The following C11orf71 variants were observed in gnomAD, a reference collection of about 807,000 sequenced individuals.
The protein encoded by C11orf71 is uncharacterized protein C11orf71.
For synonymous variants in C11orf71, 72 were observed against 73.4 expected, an observed-to-expected ratio of 0.98 and a Z score of 0.09; for missense variants, 179 against 167.6, an observed-to-expected ratio of 1.07 and a Z score of -0.38.
At chr11:114,396,000 G>A (rs1946128602), downstream of C11orf71, among the ~76,000 whole-genome samples, 2 of 152,216 alleles carry the variant, frequency 1.3e-5, no homozygotes, top group Middle Eastern at 3.4e-3. Context: ...TGGGCTCAAG[G>A]GATTCTCCCA....
In C11orf71 at chr11:114,399,794, AACTGTTAC is replaced by A. The variant is rs911250191; in HGVS notation, c.*158_*165del. The A allele has an allele frequency of 1.9e-6, 2 of 1,031,302 alleles. No homozygotes were observed. The highest frequency in any genetic ancestry group is 3.2e-5 in the African/African-American group (2 of 61,872). The allele number at this position is 1,031,302 out of a possible 1,614,324, so 63.9% of individuals were successfully genotyped here. A position where few individuals can be genotyped will look rare whatever the true frequency, so the allele number is the denominator to read the frequency against. ...CTGCATAAAACCACCTAAATCAATCAACTGTTACACTTCCCTTAGTGCTAGGACATATT... is the reference window on the plus strand; with the variant it reads ...CTGCATAAAACCACCTAAATCAATCAACTTCCCTTAGTGCTAGGACATATT... On this transcript the variant is annotated 3_prime_UTR_variant, in exon 1 of 1. Transcript: ENST00000623205.
In C11orf71 at chr11:114,400,470, A is replaced by C; in HGVS notation, c.-139T>G. 11 of 1,315,902 alleles carry C rather than the reference A, an allele frequency of 8.4e-6. No homozygotes were observed. The highest frequency in any genetic ancestry group is 1.0e-6 in the Non-Finnish European group (1 of 976,266). 81.5% of individuals were successfully genotyped at this position (1,315,902 alleles called of 1,614,324 possible). On this transcript the variant is annotated 5_prime_UTR_variant, in exon 1 of 1. Transcript: ENST00000623205. ...CCATAACTGAGCCTGCGGAAGAGCC[A>C]GAAGCCGCCTTGCCTTTAACGAGGG...
intron 1 of C11orf71, among the ~76,000 whole-genome samples, chr11:114,392,529 C>CAAAAAAAAAAAAAAAAAAAAAAAAAAAA (rs386374967): frequency 1.9e-5 from 1 of 51,688 alleles, no homozygotes; most frequent in African/African-American, 7.7e-5. Flanking sequence ...TAGAATGAGA[C>CAAAAAAAAAAAAAAAAAAAAAAAAAAAA]AAAAAAAAAA....
downstream of C11orf71, among the ~76,000 whole-genome samples, chr11:114,394,248 T>TTTTCCTTTTCTTTTC (rs1946105528): frequency 1.3e-4 from 8 of 62,126 alleles, no homozygotes; most frequent in Admixed American, 2.1e-4. Flanking sequence ...TTTTCTTTTC[T>TTTTCCTTTTCTTTTC]TTTCTTTTCT....
chr11:114,400,491 G>T lies in C11orf71; in HGVS notation c.-160C>A, dbSNP rs1027831992. 155 of 1,271,518 alleles carry T rather than the reference G, an allele frequency of 1.2e-4. No individual in the cohort carries two copies. Among genetic ancestry groups the T allele is most frequent in the East Asian group, 3.3e-4 (13 of 39,714 alleles). 78.8% of individuals were successfully genotyped at this position (1,271,518 alleles called of 1,614,324 possible). A position where few individuals can be genotyped will look rare whatever the true frequency, so the allele number is the denominator to read the frequency against. On this transcript the variant is annotated 5_prime_UTR_variant, in exon 1 of 1. Transcript: ENST00000623205. ...AGCCAGAAGCCGCCTTGCCTTTAAC[G>T]AGGGGTATCCTGGCGAGCATGCGCA...
downstream of C11orf71, among the ~76,000 whole-genome samples, chr11:114,396,180 G>A (rs1565257292): frequency 2.0e-5 from 3 of 152,314 alleles, no homozygotes; most frequent in South Asian, 2.1e-4. Context: ...TTCTAATTAC[G>A]TTTCTGTAGA....
chr11:114,396,088 G>C (rs1946129113), downstream of C11orf71, among the ~76,000 whole-genome samples: 1 of 152,134 alleles, frequency 6.6e-6, no homozygotes, highest in South Asian at 2.1e-4. Flanking sequence ...ACCAAAGTCT[G>C]ACACACTATA....
At chr11:114,394,223 C>CTTTTG (rs1276481963), downstream of C11orf71, among the ~76,000 whole-genome samples, 1 of 60,272 alleles carries the variant, frequency 1.7e-5, no homozygotes, top group Non-Finnish European at 2.7e-5. Flanking sequence ...CTTTTCTTTT[C>CTTTTG]TTTTCTTTCT....
At chr11:114,394,473 T>G (rs994764080), downstream of C11orf71, among the ~76,000 whole-genome samples, 1 of 151,838 alleles carries the variant, frequency 6.6e-6, no homozygotes, top group African/African-American at 2.4e-5. Flanking sequence ...TTTTGTATTT[T>G]TAGTAGAGAT....
In C11orf71 at chr11:114,398,781, T is replaced by C. The variant is rs1441095937; in HGVS notation, c.*1179A>G. ...TTTACTCAACATTCTTCTTAACACGTAGTTATAACAATTCAATACTATGTG... is the reference window on the plus strand; with the variant it reads ...TTTACTCAACATTCTTCTTAACACGCAGTTATAACAATTCAATACTATGTG... On this transcript the variant is annotated 3_prime_UTR_variant, in exon 1 of 1. Transcript: ENST00000623205. The C allele has an allele frequency of 6.6e-6, 1 of 152,202 alleles. No homozygotes were observed. Among genetic ancestry groups the C allele is most frequent in the Non-Finnish European group, 1.5e-5 (1 of 68,036 alleles). The allele number at this position is 152,202 out of a possible 1,614,324, so 9.4% of individuals were successfully genotyped here.
downstream of C11orf71, among the ~76,000 whole-genome samples, chr11:114,394,156 A>G (rs901757200): frequency 2.2e-5 from 3 of 136,270 alleles, no homozygotes; most frequent in African/African-American, 5.4e-5. Context: ...TTTTTTTTGT[A>G]TTTTTGGTAG....
chr11:114,395,517 G>A (rs2135341121), downstream of C11orf71, among the ~76,000 whole-genome samples: 1 of 152,342 alleles, frequency 6.6e-6, no homozygotes, highest in East Asian at 1.9e-4. Context: ...CACTGCTTCA[G>A]TGACTCTCAG....
In C11orf71 at chr11:114,399,774, T is replaced by C. The variant is rs1184584871; in HGVS notation, c.*186A>G. Reference sequence around the variant, plus strand: ...TCCTGATCCAATCGTTCTGGCTGCATAAAACCACCTAAATCAATCAACTGT... The same window carrying C: ...TCCTGATCCAATCGTTCTGGCTGCACAAAACCACCTAAATCAATCAACTGT... On this transcript the variant is annotated 3_prime_UTR_variant, in exon 1 of 1. Transcript: ENST00000623205. 1.1e-6 allele frequency: 1 copy of C among 924,428 alleles called. No individual in the cohort carries two copies. Among genetic ancestry groups the C allele is most frequent in the East Asian group, 2.7e-5 (1 of 36,510 alleles). 57.3% of individuals were successfully genotyped at this position (924,428 alleles called of 1,614,324 possible). A position where few individuals can be genotyped will look rare whatever the true frequency, so the allele number is the denominator to read the frequency against.
At chr11:114,394,233 T>TTTTCC (rs1946103625), downstream of C11orf71, among the ~76,000 whole-genome samples, 2 of 37,738 alleles carry the variant, frequency 5.3e-5, no homozygotes, top group Non-Finnish European at 8.4e-5. Flanking sequence ...CTTTTCTTTC[T>TTTTCC]TTTCTTTTCT....
At chr11:114,392,946 T>G (rs1946084537) in intron 1 of C11orf71, among the ~76,000 whole-genome samples, 1 of 152,216 alleles carries the variant, frequency 6.6e-6, no homozygotes, top group Non-Finnish European at 1.5e-5. Flanking sequence ...AACTAAGGCC[T>G]GAAGGCTAAA....
chr11:114,393,496 GATGA>G (rs1309847394), intron 1 of C11orf71, among the ~76,000 whole-genome samples: 1 of 152,114 alleles, frequency 6.6e-6, no homozygotes, highest in Non-Finnish European at 1.5e-5. Flanking sequence ...CCTTCCCAAT[GATGA>G]ATATGTTCAA....
At chr11:114,398,214 A>G (rs1946142459), downstream of C11orf71, among the ~76,000 whole-genome samples, 1 of 152,158 alleles carries the variant, frequency 6.6e-6, no homozygotes, top group South Asian at 2.1e-4. Flanking sequence ...TCCTTTCTCA[A>G]CCACGGGTTT....
In C11orf71 at chr11:114,400,181, G is replaced by C; in HGVS notation, c.151C>G (p.Leu51Val). ...GGTCGCACCGCCTGCCGAGGTCCTA[G>C]ATGAATCGCTTCAGGCCTGGAAACG... Reference protein sequence around the residue: ...FLVSRPEAIHLGPRQAVRPSV... With the variant: ...FLVSRPEAIHVGPRQAVRPSV... The change falls in exon 1 of 1, where the codon CTA (leucine) becomes GTA (valine). Residue 51 changes from leucine to valine, a missense_variant. Leu to Val is a conservative substitution (Grantham distance 32). Coordinates refer to ENST00000623205, the MANE Select transcript of C11orf71 (RefSeq NM_001271562.2). 6.2e-7 allele frequency: 1 copy of C among 1,613,776 alleles called. No homozygotes were observed. Among genetic ancestry groups the C allele is most frequent in the Non-Finnish European group, 8.5e-7 (1 of 1,179,876 alleles).
chr11:114,400,264 TGGGAAGAG>T lies in C11orf71; in HGVS notation c.60_67del (p.Ser21TrpfsTer24). The T allele has an allele frequency of 6.2e-7, 1 of 1,611,228 alleles. No individual in the cohort carries two copies. Among genetic ancestry groups the T allele is most frequent in the East Asian group, 2.2e-5 (1 of 44,764 alleles). ...TGACGCCCGCGGTCTGAGGTCGCCA[TGGGAAGAG>T]CGGTAGGCCACCCTGCTCCTCTGAT... On this transcript the variant is annotated frameshift_variant, in exon 1 of 1. Coordinates refer to ENST00000623205, the MANE Select transcript of C11orf71 (RefSeq NM_001271562.2). LOFTEE classifies it low-confidence loss of function (END_TRUNC).
Sources: gnomAD v4.1 joint callset for allele counts (sites outside exome capture counted in the v4.1 genomes callset) on GRCh38, gnomAD v4.1.1 for gene constraint, MANE v1.5 for transcripts, NCBI Gene and HGNC (gene_info 2026-07-23, HGNC 2026-07-21) for gene names.